Variants in MCTP1 observed in about 807,000 individuals in gnomAD.
MCTP1 encodes the protein multiple C2 and transmembrane domain-containing protein 1.
Under a neutral mutation model 120.6 loss-of-function variants are expected in MCTP1, and 69 were observed. The ratio of observed to expected loss-of-function variants is 0.57; its 90% CI spans 0.47 to 0.70. MCTP1 has a LOEUF of 0.70. Among genes scored for constraint, MCTP1 ranks in the 30% least tolerant of loss-of-function variants. The pLI, the probability that MCTP1 is intolerant of heterozygous loss-of-function variation, is 0.00. For missense variants in MCTP1, 1,203 were observed against 1,248.8 expected, an observed-to-expected ratio of 0.96 and a Z score of 0.55; for synonymous variants, 529 against 493.1, an observed-to-expected ratio of 1.07 and a Z score of -0.96.
At chr5:95,248,417 C>A in intron 1 of MCTP1, among the ~76,000 whole-genome samples, 1 of 152,140 alleles carries the variant, frequency 6.6e-6, no homozygotes, top group East Asian at 1.9e-4. Context: ...CTCCTATTCA[C>A]AATTACTACA....
chr5:94,946,763 C>T (rs1435801308), intron 3 of MCTP1, among the ~76,000 whole-genome samples: 6 of 152,172 alleles, frequency 3.9e-5, no homozygotes, highest in Admixed American at 2.0e-4. Flanking sequence ...TGATGCTGGC[C>T]TATGTGTTAG....
At chr5:94,943,614 A>T (rs541546887) in intron 3 of MCTP1, among the ~76,000 whole-genome samples, 2 of 152,240 alleles carry the variant, frequency 1.3e-5, no homozygotes, top group East Asian at 3.9e-4. Context: ...GTGGTAAGCA[A>T]AAATGCCATT....
chr5:95,069,524 G>A (rs1176325418), intron 1 of MCTP1, among the ~76,000 whole-genome samples: 1 of 150,312 alleles, frequency 6.7e-6, no homozygotes, highest in Admixed American at 6.6e-5. Flanking sequence ...TGACTTACCC[G>A]CAAGGGTGCA....
At chr5:94,790,690 G>T (rs1778702704) in intron 18 of MCTP1, among the ~76,000 whole-genome samples, 1 of 152,146 alleles carries the variant, frequency 6.6e-6, no homozygotes, top group Admixed American at 6.5e-5. Context: ...AGAGGTGTGG[G>T]CTCACTTAAC....
chr5:95,031,593 G>A (rs780407221), intron 1 of MCTP1, among the ~76,000 whole-genome samples: 6 of 152,092 alleles, frequency 3.9e-5, no homozygotes, highest in Non-Finnish European at 5.9e-5. Flanking sequence ...AAACACTAAG[G>A]GAATTCATCA....
At chr5:94,795,321 C>T (rs1318961179) in intron 18 of MCTP1, among the ~76,000 whole-genome samples, 2 of 152,184 alleles carry the variant, frequency 1.3e-5, no homozygotes. Context: ...TGGGCTAACA[C>T]AATCAGTTTC....
chr5:94,927,356 C>T (rs1198563773), intron 6 of MCTP1, among the ~76,000 whole-genome samples: 7 of 151,980 alleles, frequency 4.6e-5, no homozygotes, highest in Admixed American at 2.0e-4. Flanking sequence ...ATAACATTTC[C>T]AAATAATACA....
intron 19 of MCTP1, among the ~76,000 whole-genome samples, chr5:94,771,189 G>C (rs1773977782): frequency 6.6e-6 from 1 of 152,096 alleles, no homozygotes; most frequent in African/African-American, 2.4e-5. Context: ...GGGCAACAAA[G>C]ATGACTTTAT....
chr5:95,020,448 T>C (rs960435503), intron 1 of MCTP1, among the ~76,000 whole-genome samples: 2 of 152,060 alleles, frequency 1.3e-5, no homozygotes, highest in Admixed American at 1.3e-4. Flanking sequence ...ATTTATATCC[T>C]TTGTTCTCTT....
intron 1 of MCTP1, among the ~76,000 whole-genome samples, chr5:95,087,337 C>T (rs1161988403): frequency 6.6e-6 from 1 of 152,200 alleles, no homozygotes; most frequent in Non-Finnish European, 1.5e-5. Flanking sequence ...CTTCAATTGT[C>T]AGAAGGATGC....
chr5:94,730,032 AC>A (rs1194527409), intron 19 of MCTP1, among the ~76,000 whole-genome samples: 1 of 152,214 alleles, frequency 6.6e-6, no homozygotes, highest in Non-Finnish European at 1.5e-5. Context: ...GATAGCTTAG[AC>A]CAGGGTGGAT....
At chr5:94,920,265 G>A (rs1316277310) in intron 7 of MCTP1, among the ~76,000 whole-genome samples, 4 of 130,944 alleles carry the variant, frequency 3.1e-5, no homozygotes, top group Non-Finnish European at 6.3e-5. Context: ...CTGCCTTACA[G>A]AGACCTGTTT....
intron 6 of MCTP1, chr5:94,929,791 G>T: frequency 2.4e-6 from 1 of 421,666 alleles, no homozygotes; most frequent in Non-Finnish European, 3.2e-6. Context: ...TAATATAGAT[G>T]AATATGGCAA....
At chr5:94,868,245 A>G in intron 17 of MCTP1, 88 bp downstream of exon 17, 1 of 1,319,744 alleles carries the variant, frequency 7.6e-7, no homozygotes, top group East Asian at 2.7e-5. Flanking sequence ...GGCCACATCA[A>G]CATAACTGTT....
intron 17 of MCTP1, among the ~76,000 whole-genome samples, chr5:94,865,950 G>A (rs1311357391): frequency 6.6e-6 from 1 of 151,834 alleles, no homozygotes; most frequent in Non-Finnish European, 1.5e-5. Flanking sequence ...ATTAGTGGTT[G>A]TTTTTGTCAT....
At chr5:94,768,136 A>C (rs1773221135) in intron 19 of MCTP1, among the ~76,000 whole-genome samples, 1 of 152,194 alleles carries the variant, frequency 6.6e-6, no homozygotes, top group Non-Finnish European at 1.5e-5. Flanking sequence ...CAGAGGTATG[A>C]AGAGCATAAA....
At chr5:94,806,953 A>G (rs1782455188) in intron 17 of MCTP1, among the ~76,000 whole-genome samples, 1 of 152,214 alleles carries the variant, frequency 6.6e-6, no homozygotes, top group South Asian at 2.1e-4. Flanking sequence ...TCCTTTTAGA[A>G]AATCCTTTTC....
At chr5:94,961,020 C>G (rs1472733633) in intron 2 of MCTP1, among the ~76,000 whole-genome samples, 1 of 152,092 alleles carries the variant, frequency 6.6e-6, no homozygotes, top group Non-Finnish European at 1.5e-5. Context: ...TTAGAACCAA[C>G]CCAAATGTCC....
intron 1 of MCTP1, among the ~76,000 whole-genome samples, chr5:95,030,363 A>G (rs72777389): frequency 4.8e-4 from 73 of 152,296 alleles, no homozygotes; most frequent in Non-Finnish European, 1.0e-3. Context: ...TAACTGCTAT[A>G]TACTGGACTG....
Sources: allele counts gnomAD v4.1 joint callset (sites outside exome capture counted in the v4.1 genomes callset), GRCh38; gene constraint gnomAD v4.1.1; transcripts MANE v1.5; gene names NCBI Gene and HGNC (gene_info 2026-07-23, HGNC 2026-07-21).